ITGB2: variants seen among roughly 807,000 people sequenced by gnomAD.
ITGB2 encodes integrin subunit beta 2, also known as integrin beta-2.
Under a neutral mutation model 86.8 loss-of-function variants are expected in ITGB2, and 56 were observed. That is an observed-to-expected ratio of 0.65 (90% confidence interval 0.52 to 0.81). The LOEUF is 0.81. Ranked by LOEUF, ITGB2 falls within the 30% of genes least tolerant of loss-of-function variation. The pLI is 0.00. For synonymous variants in ITGB2, 457 were observed against 450.4 expected (o/e 1.01, Z -0.19); for missense variants, 948 against 1,061.2 (o/e 0.89, Z 1.48).
intron 8 of ITGB2, among the ~76,000 whole-genome samples, chr21:44,896,157 TGGTG>T: frequency 6.6e-6 from 1 of 152,324 alleles, no homozygotes; most frequent in East Asian, 1.9e-4. Flanking sequence ...TGATCCTGCC[TGGTG>T]GATTTCAAGC....
chr21:44,888,803 A>C lies in ITGB2; in HGVS notation c.1970T>G (p.Val657Gly). Residue 657 changes from valine (V) to glycine (G), a missense_variant, in exon 14 of 16, where the codon GTG becomes GGG. By Grantham distance (109) the Val-to-Gly change is moderately radical (BLOSUM62 -3). Transcript: ENST00000652462. ...CPGLQLSNNP[V>G]KGRTCKERDS... ...CCTCTCCTTGCAGGTCCTGCCCTTC[A>C]CGGGGTTGTTCGACAGCTGCAGGCC... 2 of 1,611,788 alleles carry C rather than the reference A, an allele frequency of 1.2e-6. No homozygotes were observed. Among genetic ancestry groups the C allele is most frequent in the Non-Finnish European group, 8.5e-7 (1 of 1,179,946 alleles).
intron 6 of ITGB2, 84 bp downstream of exon 6, chr21:44,901,408 G>A: frequency 1.3e-6 from 2 of 1,531,078 alleles, no homozygotes; most frequent in Non-Finnish European, 8.8e-7. Flanking sequence ...GCCGGCCAGG[G>A]TACCCCCCTG....
intron 1 of ITGB2, among the ~76,000 whole-genome samples, chr21:44,913,207 C>T (rs1440772348): frequency 6.6e-6 from 1 of 151,996 alleles, no homozygotes; most frequent in Non-Finnish European, 1.5e-5. Flanking sequence ...GGGGTGCAGA[C>T]CTCCCCTGGC....
intron 13 of ITGB2, 40 bp downstream of exon 13, chr21:44,889,236 G>A: frequency 6.3e-7 from 1 of 1,592,008 alleles, no homozygotes; most frequent in African/African-American, 1.3e-5. Flanking sequence ...GCCGGGGAGT[G>A]GGGATCCCTG....
rs235327 is a variant in ITGB2 at position 44,892,197 on chromosome 21, G to T, written c.1225-201C>A. On this transcript the variant is annotated intron_variant, in intron 10 of 15. Transcript: ENST00000652462. ...AAGGAGGTGCTCTGCCCGCACTCCC[G>T]CACTGGCCGGCACCAGGATCTCCCC... 0.21 allele frequency among the ~76,000 whole-genome samples: 31,803 copies of T among 152,162 alleles called. 3,444 individuals are homozygous for T. The highest frequency in any genetic ancestry group is 0.26 in the East Asian group (1,330 of 5,156).
intron 1 of ITGB2, chr21:44,928,116 A>C (rs1216959618): frequency 1.3e-5 from 2 of 150,484 alleles, no homozygotes; most frequent in Admixed American, 1.3e-4. Flanking sequence ...TGAGGGAGAG[A>C]GCTGAGGAGG....
intron 1 of ITGB2, among the ~76,000 whole-genome samples, chr21:44,919,149 C>A (rs1244982634): frequency 6.6e-6 from 1 of 152,184 alleles, no homozygotes; most frequent in Non-Finnish European, 1.5e-5. Context: ...GGGCCACAGC[C>A]CCCCCGGGGT....
At chr21:44,917,230 A>G (rs375227442) in intron 1 of ITGB2, among the ~76,000 whole-genome samples, 2 of 152,178 alleles carry the variant, frequency 1.3e-5, no homozygotes, top group African/African-American at 4.8e-5. Flanking sequence ...TGCCTGCGCT[A>G]TGGAGTCCCA....
chr21:44,889,526 T>A, intron 12 of ITGB2, 31 bp from the exon 13 acceptor site: 1 of 1,530,234 alleles, frequency 6.5e-7, no homozygotes, highest in Non-Finnish European at 8.8e-7. Context: ...GCTAAGCTCC[T>A]GCTTGGCCTG....
chr21:44,899,773 C>T (rs576103357), intron 7 of ITGB2, among the ~76,000 whole-genome samples: 15 of 152,354 alleles, frequency 9.8e-5, no homozygotes, highest in African/African-American at 2.4e-4. Flanking sequence ...GAGGCTCATC[C>T]TAACCCGTGC....
At chr21:44,901,432 C>T (rs1280867184) in intron 6 of ITGB2, 60 bp downstream of exon 6, 33 of 1,590,546 alleles carry the variant, frequency 2.1e-5, no homozygotes, top group Non-Finnish European at 2.6e-5. Flanking sequence ...CCACACAGCG[C>T]CTGACAGAGC....
At chr21:44,893,656 T>C (rs2083823137) in intron 9 of ITGB2, 112 bp from the exon 10 acceptor site, 2 of 1,374,950 alleles carry the variant, frequency 1.5e-6, no homozygotes, top group Admixed American at 1.8e-5. Context: ...AAGTCCCCAG[T>C]GTCAGCTAAT....
At chr21:44,890,245 G>C in intron 11 of ITGB2, 23 bp from the exon 12 acceptor site, 1 of 1,612,510 alleles carries the variant, frequency 6.2e-7, no homozygotes, top group East Asian at 2.2e-5. Context: ...GGGGCCCCAA[G>C]GTCAGGCTCC....
upstream of ITGB2, among the ~76,000 whole-genome samples, chr21:44,924,418 G>A (rs150218514): frequency 7.7e-4 from 117 of 152,138 alleles, no homozygotes; most frequent in Middle Eastern, 0.01. Flanking sequence ...TGATGAGAAG[G>A]AAACTCTTAC....
intron 14 of ITGB2, 142 bp from the exon 15 acceptor site, chr21:44,887,044 G>T: frequency 9.9e-7 from 1 of 1,009,212 alleles, no homozygotes; most frequent in Non-Finnish European, 1.5e-6. Flanking sequence ...CATCACCATG[G>T]CCAGGGGTCA....
intron 8 of ITGB2, among the ~76,000 whole-genome samples, chr21:44,895,841 AAAATGAAATGAAATGAAATG>A (rs71199643): frequency 1.5e-5 from 2 of 129,336 alleles, no homozygotes; most frequent in African/African-American, 5.9e-5. Context: ...TCAATAAAAT[AAAATGAAATGAAATGAAATG>A]AAATGAAATG....
chr21:44,904,701 A>T (rs536385391), intron 4 of ITGB2, among the ~76,000 whole-genome samples: 1 of 151,704 alleles, frequency 6.6e-6, no homozygotes, highest in Admixed American at 6.6e-5. Flanking sequence ...ACACACATGC[A>T]CTCACATACA....
chr21:44,903,732 A>C (rs1267999802), intron 4 of ITGB2, among the ~76,000 whole-genome samples, 197 bp from the exon 5 acceptor site: 3 of 152,132 alleles, frequency 2.0e-5, no homozygotes, highest in Non-Finnish European at 2.9e-5. Context: ...GTTTCAGAGG[A>C]AGGACATGAC....
Position 44,888,766 on chromosome 21 carries a change from G to A in ITGB2, c.2007C>T (p.Gly669=). 3.1e-6 allele frequency: 5 copies of A among 1,611,990 alleles called. No homozygotes were observed. The highest frequency in any genetic ancestry group is 1.1e-5 in the South Asian group (1 of 91,086). ...GCTCCAGCGTGTAGGCCACCCAGCA[G>A]CCCTCTGAGTCCCTCTCCTTGCAGG... ...GRTCKERDSE[G]CWVAYTLEQQ... Residue 669 remains glycine (G), a synonymous_variant, in exon 14 of 16, where the codon GGC becomes GGT. Coordinates refer to ENST00000652462, the MANE Select transcript of ITGB2 (RefSeq NM_000211.5).
Sources: allele counts gnomAD v4.1 joint callset (sites outside exome capture counted in the v4.1 genomes callset), GRCh38; gene constraint gnomAD v4.1.1; transcripts MANE v1.5; gene names NCBI Gene and HGNC (gene_info 2026-07-23, HGNC 2026-07-21).